The following GPC6 variants were observed in gnomAD, a reference collection of about 807,000 sequenced individuals.
GPC6 encodes the protein glypican 6.
In GPC6, 14 loss-of-function variants were observed where a neutral mutation model predicts 55.2. The observed-to-expected ratio is 0.25, with a 90% confidence interval of 0.17 to 0.40. The LOEUF (loss-of-function observed/expected upper bound fraction) is 0.40, where lower values mean the gene tolerates loss of function less well. Among genes scored for constraint, GPC6 ranks in the 10% least tolerant of loss-of-function variants. The probability of loss-of-function intolerance (pLI) is 1.00; values close to 1 mark genes in which losing one functional copy is unlikely to be tolerated. For synonymous variants in GPC6, 278 were observed against 259.6 expected (o/e 1.07, Z -0.68); for missense variants, 641 against 708.5 (o/e 0.90, Z 1.08).
intron 2 of GPC6, among the ~76,000 whole-genome samples, chr13:93,586,143 T>C (rs1877188805): frequency 6.6e-6 from 1 of 152,134 alleles, no homozygotes; most frequent in Admixed American, 6.5e-5. Context: ...CCCAAGTGTG[T>C]GTTGCTCCCC....
chr13:93,490,554 A>G (rs1594208237), intron 1 of GPC6, among the ~76,000 whole-genome samples: 1 of 116,002 alleles, frequency 8.6e-6, no homozygotes, highest in Non-Finnish European at 1.7e-5. Flanking sequence ...GTTTTAGGGT[A>G]CATGTGCACG....
chr13:93,689,356 A>G (rs1882167265), intron 2 of GPC6, among the ~76,000 whole-genome samples: 1 of 152,130 alleles, frequency 6.6e-6, no homozygotes. Flanking sequence ...GTCTGTTTGA[A>G]AATACAGATA....
intron 2 of GPC6, among the ~76,000 whole-genome samples, chr13:93,610,178 T>G (rs957170279): frequency 1.3e-5 from 2 of 152,190 alleles, no homozygotes; most frequent in Non-Finnish European, 2.9e-5. Flanking sequence ...CTGTTGTAGA[T>G]TTTACGGAAA....
At chr13:93,634,451 A>G (rs1369373688) in intron 2 of GPC6, among the ~76,000 whole-genome samples, 1 of 152,182 alleles carries the variant, frequency 6.6e-6, no homozygotes, top group Admixed American at 6.5e-5. Flanking sequence ...CCATAAATAA[A>G]GATTGTGTTC....
At chr13:93,869,471 C>G (rs1031411694) in intron 3 of GPC6, among the ~76,000 whole-genome samples, 13 of 151,842 alleles carry the variant, frequency 8.6e-5, no homozygotes, top group Non-Finnish European at 7.4e-5. Flanking sequence ...ATGATAGTAT[C>G]AGCAATCAGT....
chr13:93,219,314 G>C, the GPC6 span, among the ~76,000 whole-genome samples: 1 of 152,036 alleles, frequency 6.6e-6, no homozygotes, highest in African/African-American at 2.4e-5. Flanking sequence ...GGCTGGTCTT[G>C]AACTCCTGAT....
intron 1 of GPC6, among the ~76,000 whole-genome samples, chr13:93,330,334 G>A (rs1879800134): frequency 6.6e-6 from 1 of 152,102 alleles, no homozygotes; most frequent in Non-Finnish European, 1.5e-5. Flanking sequence ...AGACTAGCCT[G>A]GGTAGCATGG....
intron 4 of GPC6, among the ~76,000 whole-genome samples, chr13:94,266,229 C>T (rs1033322104): frequency 2.0e-5 from 3 of 150,948 alleles, no homozygotes; most frequent in African/African-American, 7.3e-5. Context: ...AGTGCAGTGG[C>T]ACGATCTTGG....
chr13:94,259,366 A>G (rs147273581), intron 4 of GPC6, among the ~76,000 whole-genome samples: 53 of 152,332 alleles, frequency 3.5e-4, no homozygotes, highest in African/African-American at 1.2e-3. Context: ...GGTTCCATTA[A>G]CATGAAAGAT....
At chr13:94,037,942 C>A (rs536063361) in intron 4 of GPC6, among the ~76,000 whole-genome samples, 1 of 151,960 alleles carries the variant, frequency 6.6e-6, no homozygotes, top group Non-Finnish European at 1.5e-5. Flanking sequence ...TCTAGTAAGA[C>A]TGAGCAACTC....
At chr13:93,728,848 G>A (rs1382279571) in intron 2 of GPC6, among the ~76,000 whole-genome samples, 6 of 152,120 alleles carry the variant, frequency 3.9e-5, no homozygotes, top group Admixed American at 6.6e-5. Context: ...GATTACAGGC[G>A]TGAGCCACTG....
intron 4 of GPC6, among the ~76,000 whole-genome samples, chr13:94,036,505 A>G (rs1434451821): frequency 2.0e-5 from 3 of 152,070 alleles, no homozygotes; most frequent in Non-Finnish European, 2.9e-5. Context: ...GGAATCTTCT[A>G]GAAACATAAC....
intron 4 of GPC6, among the ~76,000 whole-genome samples, chr13:94,242,531 T>A (rs962304748): frequency 2.0e-5 from 3 of 152,096 alleles, no homozygotes; most frequent in Admixed American, 1.3e-4. Context: ...TAAGAAAATG[T>A]GGCACATATA....
chr13:94,161,200 T>C (rs1056562115), intron 4 of GPC6, among the ~76,000 whole-genome samples: 33 of 152,234 alleles, frequency 2.2e-4, no homozygotes, highest in African/African-American at 8.0e-4. Context: ...CTTATACTTT[T>C]CTTTTTTTCA....
chr13:94,346,551 C>G (rs1284588336), intron 6 of GPC6, among the ~76,000 whole-genome samples: 1 of 151,984 alleles, frequency 6.6e-6, no homozygotes, highest in East Asian at 1.9e-4. Context: ...TAAAACCCGT[C>G]TCTACTAAAA....
chr13:93,453,881 G>C (rs562337643), intron 1 of GPC6, among the ~76,000 whole-genome samples: 5 of 152,090 alleles, frequency 3.3e-5, no homozygotes, highest in African/African-American at 9.7e-5. Flanking sequence ...CAGTGTGGAA[G>C]GGGACCTGAG....
intron 3 of GPC6, among the ~76,000 whole-genome samples, chr13:94,015,853 T>C (rs1882445361): frequency 6.6e-6 from 1 of 152,218 alleles, no homozygotes; most frequent in Non-Finnish European, 1.5e-5. Context: ...ATTTCACTGA[T>C]CTGTATGTCT....
chr13:93,297,439 A>G (rs1313776080), intron 1 of GPC6, among the ~76,000 whole-genome samples: 1 of 152,144 alleles, frequency 6.6e-6, no homozygotes, highest in African/African-American at 2.4e-5. Context: ...CCCAGAACTT[A>G]AAATTTAATT....
chr13:94,049,575 G>A (rs1429519202), intron 4 of GPC6, among the ~76,000 whole-genome samples: 1 of 152,010 alleles, frequency 6.6e-6, no homozygotes, highest in African/African-American at 2.4e-5. Context: ...CCTCACACTT[G>A]CTGTTCCCTG....
Sources: allele counts gnomAD v4.1 joint callset (sites outside exome capture counted in the v4.1 genomes callset), GRCh38; gene constraint gnomAD v4.1.1; transcripts MANE v1.5; gene names NCBI Gene and HGNC (gene_info 2026-07-23, HGNC 2026-07-21).